FRMD6: variants seen among roughly 807,000 people sequenced by gnomAD.
FRMD6 encodes FERM domain-containing protein 6.
FRMD6 carries 37 observed loss-of-function variants against 73.2 expected under a neutral mutation model. The observed-to-expected ratio is 0.51, with a 90% confidence interval of 0.39 to 0.66. The LOEUF (loss-of-function observed/expected upper bound fraction) is 0.66. Among genes scored for constraint, FRMD6 ranks in the 30% least tolerant of loss-of-function variants. The probability of loss-of-function intolerance (pLI) is 0.00; values close to 1 mark genes in which losing one functional copy is unlikely to be tolerated. For synonymous variants in FRMD6, 273 were observed against 282.2 expected, an observed-to-expected ratio of 0.97 and a Z score of 0.33; for missense variants, 714 against 780.5, an observed-to-expected ratio of 0.91 and a Z score of 1.02.
At chr14:51,620,352 A>G (rs562391211) in intron 2 of FRMD6, among the ~76,000 whole-genome samples, 6 of 152,316 alleles carry the variant, frequency 3.9e-5, no homozygotes, top group Middle Eastern at 6.8e-3. Context: ...GAAATTCTGT[A>G]GGGATGAAGG....
At chr14:51,656,491 G>C (rs113393562) in intron 1 of FRMD6, among the ~76,000 whole-genome samples, 1 of 151,134 alleles carries the variant, frequency 6.6e-6, no homozygotes, top group South Asian at 2.1e-4. Context: ...TCAGCTCACT[G>C]CAGCCTCCAC....
intron 6 of FRMD6, among the ~76,000 whole-genome samples, chr14:51,707,799 T>C (rs1001082617): frequency 6.6e-6 from 1 of 152,202 alleles, no homozygotes; most frequent in African/African-American, 2.4e-5. Flanking sequence ...TGTTTTTCTC[T>C]TGGTGACTTT....
At chr14:51,694,672 G>A (rs963699425) in intron 2 of FRMD6, among the ~76,000 whole-genome samples, 4 of 152,116 alleles carry the variant, frequency 2.6e-5, no homozygotes, top group Admixed American at 6.6e-5. Flanking sequence ...GTTGGGCAAC[G>A]GAGTGAGACC....
chr14:51,460,108 A>G, the FRMD6 span, among the ~76,000 whole-genome samples: 1 of 152,050 alleles, frequency 6.6e-6, no homozygotes, highest in Non-Finnish European at 1.5e-5. Context: ...TATTCATTCA[A>G]CAAATATTTA....
intron 2 of FRMD6, among the ~76,000 whole-genome samples, chr14:51,572,543 G>A (rs1038178848): frequency 6.6e-6 from 1 of 152,170 alleles, no homozygotes; most frequent in Non-Finnish European, 1.5e-5. Flanking sequence ...AGAGAAAGGG[G>A]ATTCTTAGAG....
At chr14:51,566,783 A>G (rs1341301809) in intron 1 of FRMD6, among the ~76,000 whole-genome samples, 1 of 152,240 alleles carries the variant, frequency 6.6e-6, no homozygotes, top group Non-Finnish European at 1.5e-5. Flanking sequence ...TGTGTTGTCC[A>G]TGATAGTTTC....
chr14:51,633,945 A>G (rs1196838780), intron 2 of FRMD6, among the ~76,000 whole-genome samples: 1 of 152,244 alleles, frequency 6.6e-6, no homozygotes, highest in African/African-American at 2.4e-5. Context: ...GGTACTTTCA[A>G]AAATCTGAAT....
At chr14:51,636,787 T>G (rs1891585987) in intron 2 of FRMD6, among the ~76,000 whole-genome samples, 1 of 152,022 alleles carries the variant, frequency 6.6e-6, no homozygotes, top group South Asian at 2.1e-4. Flanking sequence ...TTAAGCACTG[T>G]GAGAGGGGTG....
At chr14:51,528,317 A>G (rs1464965758) in intron 1 of FRMD6, among the ~76,000 whole-genome samples, 1 of 152,180 alleles carries the variant, frequency 6.6e-6, no homozygotes, top group Non-Finnish European at 1.5e-5. Flanking sequence ...AATCAGTAAT[A>G]CTACAATGTG....
chr14:51,443,052 G>C, the FRMD6 span, among the ~76,000 whole-genome samples: 1 of 152,150 alleles, frequency 6.6e-6, no homozygotes, highest in African/African-American at 2.4e-5. Context: ...CCAGGATGGG[G>C]AAAAACCCTG....
At chr14:51,453,163 G>A in the FRMD6 span, among the ~76,000 whole-genome samples, 2 of 151,098 alleles carry the variant, frequency 1.3e-5, no homozygotes. Context: ...AAAAAAAATA[G>A]AGAATTAAAG....
chr14:51,565,991 C>T (rs903312396), intron 1 of FRMD6, among the ~76,000 whole-genome samples: 4 of 152,092 alleles, frequency 2.6e-5, no homozygotes, highest in South Asian at 4.1e-4. Flanking sequence ...GGTGAAACCC[C>T]GTCTCTACTA....
the FRMD6 span, among the ~76,000 whole-genome samples, chr14:51,416,132 T>A: frequency 1.3e-5 from 2 of 152,098 alleles, no homozygotes; most frequent in Non-Finnish European, 2.9e-5. Context: ...TTTTGAAGGG[T>A]TTTTTGTGTC....
At position 51,720,074 on chromosome 14, in the gene FRMD6, A is replaced by G; in HGVS notation, c.1044A>G (p.Glu348=). ...ACGTAGAGAAGAAGCAGTACCGGGA[A>G]TCTTACATCAGTGACAACCTGGACC... ...EENEEKKQYR[E]SYISDNLDLD... is the part of the protein sequence containing the mutation. Residue 348 remains glutamate, a synonymous_variant, in exon 11 of 14, where the codon GAA becomes GAG. Transcript: ENST00000344768. The G allele has an allele frequency of 6.2e-7, 1 of 1,612,762 alleles. No individual in the cohort carries two copies. Among genetic ancestry groups the G allele is most frequent in the Non-Finnish European group, 8.5e-7 (1 of 1,179,346 alleles).
intron 2 of FRMD6, among the ~76,000 whole-genome samples, chr14:51,629,674 T>A (rs1347012859): frequency 1.3e-5 from 2 of 152,184 alleles, no homozygotes; most frequent in African/African-American, 4.8e-5. Flanking sequence ...TAAATAATTA[T>A]AATAAATAAA....
At chr14:51,610,906 C>T (rs182646877) in intron 2 of FRMD6, among the ~76,000 whole-genome samples, 47 of 152,288 alleles carry the variant, frequency 3.1e-4, no homozygotes, top group Admixed American at 2.7e-3. Context: ...ACTTTTCTTT[C>T]AACCCATGGT....
the FRMD6 span, among the ~76,000 whole-genome samples, chr14:51,458,620 A>G: frequency 1.4e-4 from 21 of 152,232 alleles, no homozygotes. Flanking sequence ...TAGGAAAACT[A>G]GAAGATAAGC....
chr14:51,574,928 C>T (rs1432881366), intron 2 of FRMD6, among the ~76,000 whole-genome samples: 1 of 152,124 alleles, frequency 6.6e-6, no homozygotes, highest in Non-Finnish European at 1.5e-5. Flanking sequence ...ATCAAAATAT[C>T]TTATGTGCCC....
intron 2 of FRMD6, among the ~76,000 whole-genome samples, chr14:51,641,710 C>T (rs1594641810): frequency 1.3e-5 from 2 of 152,258 alleles, no homozygotes; most frequent in Admixed American, 1.3e-4. Flanking sequence ...CTCAATGTTC[C>T]AGTCAAGTTC....
Sources: gnomAD v4.1 joint callset for allele counts (sites outside exome capture counted in the v4.1 genomes callset) on GRCh38, gnomAD v4.1.1 for gene constraint, MANE v1.5 for transcripts, NCBI Gene and HGNC (gene_info 2026-07-23, HGNC 2026-07-21) for gene names.